MACROD2: variants seen among roughly 807,000 people sequenced by gnomAD.
The protein encoded by MACROD2 is ADP-ribose glycohydrolase MACROD2.
In MACROD2, 36 loss-of-function variants were observed where a neutral mutation model predicts 70.4. The observed-to-expected ratio is 0.51, with a 90% CI of 0.39 to 0.68. The LOEUF (loss-of-function observed/expected upper bound fraction) is 0.68. MACROD2 is among the 30% of genes least tolerant of loss of function. MACROD2 has a pLI of 0.00. For missense variants in MACROD2, 496 were observed against 538.4 expected, an observed-to-expected ratio of 0.92 and a Z score of 0.78; for synonymous variants, 172 against 178.8, an observed-to-expected ratio of 0.96 and a Z score of 0.30.
intron 3 of MACROD2, among the ~76,000 whole-genome samples, chr20:14,248,921 T>G (rs1409504945): frequency 6.6e-6 from 1 of 152,114 alleles, no homozygotes; most frequent in Non-Finnish European, 1.5e-5. Flanking sequence ...CTAGTTTCAT[T>G]GGTCACTTAG....
At chr20:15,402,222 C>T (rs779917060) in intron 6 of MACROD2, among the ~76,000 whole-genome samples, 2 of 152,012 alleles carry the variant, frequency 1.3e-5, no homozygotes, top group Admixed American at 6.6e-5. Flanking sequence ...CTTGTGCACA[C>T]GGCATTATAG....
At chr20:14,772,156 T>C (rs867146490) in intron 5 of MACROD2, among the ~76,000 whole-genome samples, 1 of 152,112 alleles carries the variant, frequency 6.6e-6, no homozygotes, top group African/African-American at 2.4e-5. Flanking sequence ...TTCACAGGCC[T>C]AAAAATGTAC....
At chr20:15,410,279 T>G (rs2046059351) in intron 6 of MACROD2, among the ~76,000 whole-genome samples, 1 of 152,222 alleles carries the variant, frequency 6.6e-6, no homozygotes, top group Admixed American at 6.5e-5. Context: ...CTTACGACTA[T>G]CTAATGGATC....
intron 8 of MACROD2, among the ~76,000 whole-genome samples, chr20:15,746,988 A>G (rs996892533): frequency 6.6e-6 from 1 of 152,180 alleles, no homozygotes; most frequent in Non-Finnish European, 1.5e-5. Flanking sequence ...GGTCAGATAG[A>G]TCAGCATAGA....
At chr20:16,001,090 A>G (rs546830552) in intron 15 of MACROD2, among the ~76,000 whole-genome samples, 1 of 152,316 alleles carries the variant, frequency 6.6e-6, no homozygotes, top group Admixed American at 6.5e-5. Context: ...ATCCATTTTG[A>G]TTTGGATTTC....
chr20:14,955,758 A>G (rs546028104), intron 5 of MACROD2, among the ~76,000 whole-genome samples: 5 of 152,196 alleles, frequency 3.3e-5, no homozygotes, highest in East Asian at 1.9e-4. Flanking sequence ...ATTTGTTTCA[A>G]TGCCTGAGCT....
chr20:15,696,571 G>A (rs2146887425), intron 8 of MACROD2, among the ~76,000 whole-genome samples: 1 of 152,122 alleles, frequency 6.6e-6, no homozygotes, highest in African/African-American at 2.4e-5. Context: ...AATGAATTAG[G>A]GAGGATTCCT....
intron 8 of MACROD2, among the ~76,000 whole-genome samples, chr20:15,794,756 T>C (rs900253661): frequency 1.7e-4 from 26 of 151,640 alleles, no homozygotes; most frequent in African/African-American, 6.3e-4. Context: ...TGGCCTCAAG[T>C]TAAGCAGGCG....
At chr20:15,338,964 G>T (rs960722983) in intron 6 of MACROD2, among the ~76,000 whole-genome samples, 1 of 151,766 alleles carries the variant, frequency 6.6e-6, no homozygotes, top group Non-Finnish European at 1.5e-5. Context: ...CATTTCATTT[G>T]GCAGCCACTG....
At chr20:14,988,896 G>T (rs1379351750) in intron 5 of MACROD2, among the ~76,000 whole-genome samples, 2 of 152,056 alleles carry the variant, frequency 1.3e-5, no homozygotes, top group African/African-American at 4.8e-5. Context: ...TAAAATTATT[G>T]TTTAATATTT....
chr20:14,288,302 A>G (rs568664552), intron 3 of MACROD2, among the ~76,000 whole-genome samples: 1 of 152,252 alleles, frequency 6.6e-6, no homozygotes, highest in Admixed American at 6.5e-5. Context: ...CATTGTGAGT[A>G]AGTGTGGCAG....
intron 7 of MACROD2, among the ~76,000 whole-genome samples, chr20:15,491,861 T>G (rs567973337): frequency 4.1e-4 from 63 of 152,206 alleles, no homozygotes; most frequent in Non-Finnish European, 7.1e-4. Flanking sequence ...GCCAAGAAGA[T>G]ACATGCAGTG....
intron 3 of MACROD2, among the ~76,000 whole-genome samples, chr20:14,309,507 T>C (rs1482381023): frequency 6.6e-6 from 1 of 152,192 alleles, no homozygotes; most frequent in Non-Finnish European, 1.5e-5. Context: ...ACCTGAAGTT[T>C]TGTGCCTGTT....
At chr20:14,806,968 C>G (rs1022433022) in intron 5 of MACROD2, among the ~76,000 whole-genome samples, 1 of 152,154 alleles carries the variant, frequency 6.6e-6, no homozygotes, top group African/African-American at 2.4e-5. Flanking sequence ...AAACTCTCAT[C>G]TCCCTGGGAC....
chr20:14,310,623 T>A (rs1335654049), intron 3 of MACROD2, among the ~76,000 whole-genome samples: 1 of 152,200 alleles, frequency 6.6e-6, no homozygotes, highest in Non-Finnish European at 1.5e-5. Context: ...TACTTTTTTT[T>A]ATTTATTTAT....
intron 5 of MACROD2, among the ~76,000 whole-genome samples, chr20:15,098,515 G>A (rs1449648392): frequency 7.9e-5 from 12 of 152,202 alleles, no homozygotes; most frequent in Non-Finnish European, 7.3e-5. Flanking sequence ...CACACGTAAT[G>A]CCTTTGTTGG....
chr20:14,020,813 G>A (rs939205593), intron 2 of MACROD2, among the ~76,000 whole-genome samples: 2 of 152,028 alleles, frequency 1.3e-5, no homozygotes, highest in South Asian at 2.1e-4. Flanking sequence ...GATTTCCTCA[G>A]GAGTTCTCCC....
intron 8 of MACROD2, among the ~76,000 whole-genome samples, chr20:15,640,629 C>G (rs550831529): frequency 6.6e-6 from 1 of 152,254 alleles, no homozygotes; most frequent in Non-Finnish European, 1.5e-5. Context: ...CTCTTTCTTA[C>G]AGGCTCTCCC....
intron 3 of MACROD2, among the ~76,000 whole-genome samples, chr20:14,207,180 C>T (rs899293055): frequency 2.0e-5 from 3 of 152,038 alleles, no homozygotes; most frequent in Non-Finnish European, 2.9e-5. Flanking sequence ...TCACTGCAAC[C>T]TCTGCCTCCC....
Sources: allele counts gnomAD v4.1 joint callset (sites outside exome capture counted in the v4.1 genomes callset), GRCh38; gene constraint gnomAD v4.1.1; transcripts MANE v1.5; gene names NCBI Gene and HGNC (gene_info 2026-07-23, HGNC 2026-07-21).